The following NFE2L2 variants were observed in gnomAD, a reference collection of about 807,000 sequenced individuals.
NFE2L2 encodes the protein nuclear factor erythroid 2-related factor 2.
Under a neutral mutation model 49.6 loss-of-function variants are expected in NFE2L2, and 20 were observed. That is an observed-to-expected ratio of 0.40 (90% confidence interval 0.28 to 0.59). NFE2L2 has a LOEUF of 0.59. Among genes scored for constraint, NFE2L2 ranks in the 20% least tolerant of loss-of-function variants. NFE2L2 has a pLI of 0.40. For missense variants in NFE2L2, 578 were observed against 714.2 expected, an observed-to-expected ratio of 0.81 and a Z score of 2.17; for synonymous variants, 244 against 256.5, an observed-to-expected ratio of 0.95 and a Z score of 0.47.
rs1014637410 is a variant in NFE2L2, at chr2:177,230,362, T to G, written c.*423A>C. ...ACCAGCTCTTAAAATTTTTTTTTTT[T>G]GCCAGAGCTAAACAATTTAATATAA... On this transcript the variant is annotated 3_prime_UTR_variant, in exon 5 of 5. Transcript: ENST00000397062. 24 of 232,242 alleles carry G rather than the reference T, an allele frequency of 1.0e-4. No individual in the cohort carries two copies. Among genetic ancestry groups the G allele is most frequent in the Non-Finnish European group, 1.4e-4 (17 of 117,346 alleles). 14.4% of individuals were successfully genotyped at this position (232,242 alleles called of 1,614,324 possible). A position where few individuals can be genotyped will look rare whatever the true frequency, so the allele number is the denominator to read the frequency against.
chr2:177,263,367 G>C, intron 1 of NFE2L2: 2 of 985,342 alleles, frequency 2.0e-6, no homozygotes, highest in Non-Finnish European at 2.4e-6. Flanking sequence ...CAGACTAAAA[G>C]CAACAGAAAT....
At chr2:177,264,011 G>T in intron 1 of NFE2L2, 1 of 928,926 alleles carries the variant, frequency 1.1e-6, no homozygotes, top group South Asian at 5.0e-5. Context: ...GTCTTGGGGC[G>T]CGGCGAAGGG....
At chr2:177,262,816 C>T (rs889220160) in intron 1 of NFE2L2, among the ~76,000 whole-genome samples, 1 of 152,150 alleles carries the variant, frequency 6.6e-6, no homozygotes. Context: ...TTCAGTCAAA[C>T]AAGCATTCCT....
chr2:177,236,158 G>A (rs566939123), intron 1 of NFE2L2, among the ~76,000 whole-genome samples: 65 of 152,366 alleles, frequency 4.3e-4, no homozygotes, highest in Non-Finnish European at 5.3e-4. Context: ...ATTACTTTCA[G>A]CTTCCCAAGG....
chr2:177,260,973 C>T (rs1483018314), intron 1 of NFE2L2, among the ~76,000 whole-genome samples: 1 of 151,840 alleles, frequency 6.6e-6, no homozygotes, highest in Non-Finnish European at 1.5e-5. Flanking sequence ...GAGTTCGAGA[C>T]CAGCCCAGCC....
chr2:177,241,137 A>G (rs1485775438), intron 1 of NFE2L2, among the ~76,000 whole-genome samples: 1 of 152,204 alleles, frequency 6.6e-6, no homozygotes, highest in Non-Finnish European at 1.5e-5. Context: ...AGCGAAACTG[A>G]GCCTTGCTCC....
chr2:177,246,503 C>T (rs2105475716), intron 1 of NFE2L2, among the ~76,000 whole-genome samples: 1 of 152,042 alleles, frequency 6.6e-6, no homozygotes, highest in Non-Finnish European at 1.5e-5. Context: ...CCATTAAATA[C>T]ACACAATCGC....
intron 2 of NFE2L2, 52 bp from the exon 3 acceptor site, chr2:177,233,391 TGC>T: frequency 7.6e-7 from 1 of 1,311,962 alleles, no homozygotes; most frequent in Non-Finnish European, 1.1e-6. Context: ...AATATTCCAT[TGC>T]CAAGCTAAAT....
At chr2:177,254,535 G>T (rs565801917) in intron 1 of NFE2L2, among the ~76,000 whole-genome samples, 1 of 152,236 alleles carries the variant, frequency 6.6e-6, no homozygotes, top group Non-Finnish European at 1.5e-5. Context: ...GGAATTGTAT[G>T]GAGGTGGGGT....
intron 1 of NFE2L2, among the ~76,000 whole-genome samples, chr2:177,256,385 G>A (rs1690524494): frequency 6.6e-6 from 1 of 150,932 alleles, no homozygotes; most frequent in Non-Finnish European, 1.5e-5. Context: ...AATTCTATAT[G>A]CCTTAACAGT....
intron 1 of NFE2L2, among the ~76,000 whole-genome samples, chr2:177,235,950 A>T (rs1046268037): frequency 6.6e-6 from 1 of 152,264 alleles, no homozygotes; most frequent in African/African-American, 2.4e-5. Flanking sequence ...AGTCTTTGGA[A>T]AAATCTAAAT....
chr2:177,231,736 G>A lies in NFE2L2; in HGVS notation c.867C>T (p.Phe289=). 1.2e-6 allele frequency: 2 copies of A among 1,614,204 alleles called. No homozygotes were observed. Among genetic ancestry groups the A allele is most frequent in the Non-Finnish European group, 1.7e-6 (2 of 1,180,032 alleles). ...TDFGDEFYSA[F]IAEPSISNSM... is the part of the protein sequence containing the mutation. The stretch of plus-strand genomic sequence containing the variant: ...TGTTGCTGATACTGGGCTCAGCTAT[G>A]AAAGCAGAATAAAATTCATCACCAA... Residue 289 remains phenylalanine, a synonymous_variant, in exon 5 of 5, where the codon TTC becomes TTT. Coordinates refer to ENST00000397062, the MANE Select transcript of NFE2L2 (RefSeq NM_006164.5).
intron 1 of NFE2L2, among the ~76,000 whole-genome samples, chr2:177,259,131 A>G (rs1411887711): frequency 6.6e-6 from 1 of 152,130 alleles, no homozygotes; most frequent in Non-Finnish European, 1.5e-5. Flanking sequence ...GTGAAACTCC[A>G]TCTCTACTAA....
At chr2:177,233,973 C>T (rs1252957010) in intron 2 of NFE2L2, 32 bp downstream of exon 2, 4 of 1,611,450 alleles carry the variant, frequency 2.5e-6, no homozygotes, top group Non-Finnish European at 3.4e-6. Flanking sequence ...TTAAACCTGC[C>T]ATAACTTTCC....
chr2:177,249,018 T>C (rs1052518910), intron 1 of NFE2L2, among the ~76,000 whole-genome samples: 13 of 151,570 alleles, frequency 8.6e-5, no homozygotes, highest in Middle Eastern at 3.4e-3. Context: ...GGAGTTTTGA[T>C]ATCAGCCTGG....
intron 1 of NFE2L2, among the ~76,000 whole-genome samples, chr2:177,236,052 G>A (rs534430950): frequency 1.3e-5 from 2 of 152,384 alleles, no homozygotes; most frequent in South Asian, 2.1e-4. Context: ...ATGGGGGAAC[G>A]GGAGTTGGGA....
chr2:177,232,747 C>T, intron 3 of NFE2L2, 164 bp from the exon 4 acceptor site: 1 of 644,078 alleles, frequency 1.6e-6, no homozygotes, highest in Non-Finnish European at 2.6e-6. Context: ...TTTTTCCTAC[C>T]CCACTGACTC....
At chr2:177,261,901 G>C (rs1029079448) in intron 1 of NFE2L2, among the ~76,000 whole-genome samples, 1 of 152,076 alleles carries the variant, frequency 6.6e-6, no homozygotes, top group Admixed American at 6.5e-5. Flanking sequence ...GTACTTGTTG[G>C]GTTCCTTTTT....
intron 3 of NFE2L2, 38 bp downstream of exon 3, chr2:177,233,212 T>C: frequency 6.9e-7 from 1 of 1,457,540 alleles, no homozygotes; most frequent in Non-Finnish European, 9.4e-7. Flanking sequence ...ATAGTTATGA[T>C]GGAGTTTTTC....
Sources: allele counts gnomAD v4.1 joint callset (sites outside exome capture counted in the v4.1 genomes callset), GRCh38; gene constraint gnomAD v4.1.1; transcripts MANE v1.5; gene names NCBI Gene and HGNC (gene_info 2026-07-23, HGNC 2026-07-21).